The following GRM7 variants were observed in gnomAD, a reference collection of about 807,000 sequenced individuals.
The protein encoded by GRM7 is metabotropic glutamate receptor 7.
GRM7 carries 35 observed loss-of-function variants against 84.5 expected under a neutral mutation model. The ratio of observed to expected loss-of-function variants is 0.41; its 90% CI spans 0.32 to 0.55. The LOEUF (loss-of-function observed/expected upper bound fraction) is 0.55, where lower values mean the gene tolerates loss of function less well. Among genes scored for constraint, GRM7 ranks in the 20% least tolerant of loss-of-function variants. GRM7 has a pLI of 0.19. For missense variants in GRM7, 1,003 were observed against 1,194.6 expected, an observed-to-expected ratio of 0.84 and a Z score of 2.36; for synonymous variants, 487 against 455.1, an observed-to-expected ratio of 1.07 and a Z score of -0.89.
chr3:6,950,528 G>C (rs540123980), intron 1 of GRM7, among the ~76,000 whole-genome samples: 1 of 152,208 alleles, frequency 6.6e-6, no homozygotes, highest in African/African-American at 2.4e-5. Context: ...GAGCCAGTCT[G>C]CCCGTTCTCA....
chr3:7,027,769 G>A (rs1006936680), intron 1 of GRM7, among the ~76,000 whole-genome samples: 6 of 152,020 alleles, frequency 3.9e-5, no homozygotes, highest in African/African-American at 7.3e-5. Context: ...CCTGTTATGC[G>A]TTGTGTTTCA....
intron 1 of GRM7, among the ~76,000 whole-genome samples, chr3:6,911,001 A>AT (rs959439645): frequency 6.6e-6 from 1 of 151,868 alleles, no homozygotes; most frequent in Non-Finnish European, 1.5e-5. Flanking sequence ...ACCTACCACT[A>AT]TTTTTTTCCT....
chr3:7,355,767 T>C (rs980689908), intron 4 of GRM7, among the ~76,000 whole-genome samples: 1 of 152,144 alleles, frequency 6.6e-6, no homozygotes, highest in Admixed American at 6.5e-5. Context: ...GAGCAGGTTC[T>C]GAAGGCACAA....
chr3:7,076,442 G>C (rs1385706341), intron 1 of GRM7, among the ~76,000 whole-genome samples: 3 of 152,118 alleles, frequency 2.0e-5, no homozygotes, highest in Admixed American at 6.6e-5. Context: ...GTGTTTATAA[G>C]TGGAAGTTTT....
chr3:7,521,861 A>C (rs373985755), intron 7 of GRM7, among the ~76,000 whole-genome samples: 1 of 152,132 alleles, frequency 6.6e-6, no homozygotes, highest in East Asian at 1.9e-4. Flanking sequence ...TGCATGCAAA[A>C]TCATTTATGG....
At chr3:7,460,099 T>TAA (rs71066013) in intron 6 of GRM7, among the ~76,000 whole-genome samples, 1,134 of 49,560 alleles carry the variant, frequency 0.023, 78 homozygotes, top group African/African-American at 0.096. Context: ...CTTAAAATAG[T>TAA]AAAAAAAAAA....
intron 2 of GRM7, among the ~76,000 whole-genome samples, chr3:7,268,295 T>TAA (rs149310773): frequency 5.5e-4 from 80 of 146,410 alleles, no homozygotes; most frequent in African/African-American, 1.0e-3. Flanking sequence ...ACAAAAAACT[T>TAA]AAAAAAAAAA....
chr3:7,184,025 A>T (rs1160632078), intron 2 of GRM7, among the ~76,000 whole-genome samples: 5 of 152,108 alleles, frequency 3.3e-5, no homozygotes, highest in Non-Finnish European at 7.4e-5. Flanking sequence ...GATGCCACTT[A>T]AAAAAGGTGA....
chr3:7,436,526 A>AT (rs368436612), intron 5 of GRM7, among the ~76,000 whole-genome samples: 3 of 152,080 alleles, frequency 2.0e-5, no homozygotes, highest in African/African-American at 7.2e-5. Context: ...TGCAGCCTTC[A>AT]TTTTTTCATT....
At chr3:7,672,454 A>C (rs547330013) in intron 8 of GRM7, among the ~76,000 whole-genome samples, 1 of 152,312 alleles carries the variant, frequency 6.6e-6, no homozygotes, top group East Asian at 1.9e-4. Flanking sequence ...CTGGGATTTC[A>C]TAAGAATTGT....
At chr3:7,522,179 C>CA (rs753531127) in intron 7 of GRM7, among the ~76,000 whole-genome samples, 2 of 152,126 alleles carry the variant, frequency 1.3e-5, no homozygotes, top group African/African-American at 4.8e-5. Context: ...TCTTTCTGAT[C>CA]AAAATCATTG....
At chr3:7,147,748 A>G (rs1435884320) in intron 2 of GRM7, among the ~76,000 whole-genome samples, 3 of 152,196 alleles carry the variant, frequency 2.0e-5, no homozygotes, top group Non-Finnish European at 4.4e-5. Context: ...AAAACTTCAC[A>G]GGAGATCTGT....
chr3:7,662,506 T>A (rs1039898938), intron 8 of GRM7, among the ~76,000 whole-genome samples: 1 of 152,136 alleles, frequency 6.6e-6, no homozygotes, highest in African/African-American at 2.4e-5. Flanking sequence ...TGAGGAAAAA[T>A]CATATGAGAC....
At chr3:7,672,921 A>T (rs1379277174) in intron 8 of GRM7, among the ~76,000 whole-genome samples, 2 of 152,214 alleles carry the variant, frequency 1.3e-5, no homozygotes, top group Admixed American at 6.5e-5. Flanking sequence ...ACAAAATGGA[A>T]GCAAACTAAA....
chr3:7,097,329 C>T (rs1332361532), intron 1 of GRM7, among the ~76,000 whole-genome samples: 1 of 152,080 alleles, frequency 6.6e-6, no homozygotes, highest in Non-Finnish European at 1.5e-5. Context: ...TAACTATCCA[C>T]TCAGGAACAA....
intron 7 of GRM7, among the ~76,000 whole-genome samples, chr3:7,485,466 GTCCC>G (rs1170460526): frequency 1.3e-5 from 2 of 152,184 alleles, no homozygotes; most frequent in Non-Finnish European, 2.9e-5. Flanking sequence ...AATACCACAA[GTCCC>G]TAAGTTTCTG....
At chr3:6,962,415 T>C (rs1693336898) in intron 1 of GRM7, among the ~76,000 whole-genome samples, 1 of 151,974 alleles carries the variant, frequency 6.6e-6, no homozygotes, top group Admixed American at 6.6e-5. Context: ...CAGGAAACAG[T>C]ATGTTAGAAT....
At chr3:7,312,335 T>C (rs1700428118) in intron 4 of GRM7, among the ~76,000 whole-genome samples, 2 of 152,038 alleles carry the variant, frequency 1.3e-5, no homozygotes, top group African/African-American at 4.8e-5. Context: ...TTGGCAGTGC[T>C]ACTGTGGCCA....
chr3:7,442,795 G>A (rs1435008292), intron 5 of GRM7, among the ~76,000 whole-genome samples: 4 of 152,146 alleles, frequency 2.6e-5, no homozygotes, highest in African/African-American at 7.2e-5. Flanking sequence ...TGACATGAGA[G>A]TGGAAACCCT....
Sources: gnomAD v4.1 joint callset for allele counts (sites outside exome capture counted in the v4.1 genomes callset) on GRCh38, gnomAD v4.1.1 for gene constraint, MANE v1.5 for transcripts, NCBI Gene and HGNC (gene_info 2026-07-23, HGNC 2026-07-21) for gene names.